XG: variants seen among roughly 807,000 people sequenced by gnomAD.
The protein encoded by XG is Xg glycoprotein (Xg blood group), also known as glycoprotein Xg.
A neutral mutation model predicts 25.7 loss-of-function variants in XG; 24 were observed. The ratio of observed to expected loss-of-function variants is 0.93; its 90% CI spans 0.68 to 1.31. The LOEUF (loss-of-function observed/expected upper bound fraction) is 1.31, where lower values mean the gene tolerates loss of function less well. XG is among the 40% of genes most tolerant of loss of function. XG has a pLI of 0.00. For synonymous variants in XG, 77 were observed against 69.2 expected (o/e 1.11, Z -0.56); for missense variants, 181 against 187.6 (o/e 0.96, Z 0.21).
chrX:2,764,377 C>A (rs143829398), intron 1 of XG, among the ~76,000 whole-genome samples: 1 of 152,186 alleles, frequency 6.6e-6, no homozygotes, highest in Non-Finnish European at 1.5e-5. Context: ...GCCGCAAATT[C>A]TTTCTTGTGC....
intron 2 of XG, among the ~76,000 whole-genome samples, chrX:2,773,439 G>A (rs899384167): frequency 2.0e-4 from 30 of 147,760 alleles, no homozygotes; most frequent in Admixed American, 7.4e-4. Context: ...AGGAAGAAAG[G>A]AGGGTGGGGA....
intron 8 of XG, 99 bp downstream of exon 8, chrX:2,806,844 C>T: frequency 1.4e-6 from 1 of 692,759 alleles, no homozygotes; most frequent in Non-Finnish European, 2.0e-6. Flanking sequence ...TGCTTTCATC[C>T]AGTGCACAAC....
At chrX:2,802,901 G>T (rs940837915) in intron 7 of XG, among the ~76,000 whole-genome samples, 1 of 110,924 alleles carries the variant, frequency 9.0e-6, no homozygotes, top group Non-Finnish European at 1.9e-5. Context: ...TCAGAAAAGG[G>T]CTGTTATCTT....
chrX:2,775,124 G>A (rs187236715), intron 3 of XG: 4 of 236,530 alleles, frequency 1.7e-5, no homozygotes, highest in East Asian at 1.7e-4. Flanking sequence ...CCACTCCTAG[G>A]TATGTACTCA....
chrX:2,756,985 C>T (rs1189048120), intron 1 of XG, among the ~76,000 whole-genome samples: 1 of 152,170 alleles, frequency 6.6e-6, no homozygotes, highest in African/African-American at 2.4e-5. Context: ...GTCCAGCATC[C>T]AGGAAGAATC....
At chrX:2,779,668 A>G in intron 3 of XG, among the ~76,000 whole-genome samples, 1 of 152,156 alleles carries the variant, frequency 6.6e-6, no homozygotes, top group East Asian at 1.9e-4. Flanking sequence ...TTATTTGGAG[A>G]CAGAATCTCA....
At chrX:2,765,376 G>GGGGAGGAAGGAAGGGAGGAAGGAAGGAA (rs2050660244) in intron 1 of XG, among the ~76,000 whole-genome samples, 1 of 144,024 alleles carries the variant, frequency 6.9e-6, no homozygotes. Context: ...GAGGGAGGGA[G>GGGGAGGAAGGAAGGGAGGAAGGAAGGAA]GGAAGGAAGG....
At chrX:2,777,033 C>T (rs974482369) in intron 3 of XG, among the ~76,000 whole-genome samples, 1 of 152,130 alleles carries the variant, frequency 6.6e-6, no homozygotes, top group African/African-American at 2.4e-5. Context: ...AGATTTCCAA[C>T]AAGAAGCTCT....
chrX:2,790,399 A>G (rs1231905645), intron 5 of XG, among the ~76,000 whole-genome samples: 1 of 109,008 alleles, frequency 9.2e-6, no homozygotes, highest in Non-Finnish European at 1.9e-5. Context: ...ACTCAGGAGG[A>G]TGAAGCAGGA....
intron 4 of XG, among the ~76,000 whole-genome samples, 184 bp from the exon 5 acceptor site, chrX:2,789,460 A>AAGTTT (rs1440335301): frequency 1.2e-5 from 1 of 86,776 alleles, no homozygotes; most frequent in East Asian, 4.7e-4. Flanking sequence ...CCAGTGGTGT[A>AAGTTT]AGTTTTTGTT....
Position 2,811,358 on chromosome X carries a change from G to A in XG, c.477G>A (p.Val159=). 8.3e-7 allele frequency: 1 copy of A among 1,207,169 alleles called. No individual in the cohort carries two copies. The highest frequency in any genetic ancestry group is 1.1e-6 in the Non-Finnish European group (1 of 893,267). Reference sequence around the variant, plus strand: ...CAGGCAATATGGTAGCAAAAATCGTGTCTCCCATCGTATCCGTGGTGGTGG... The same window carrying A: ...CAGGCAATATGGTAGCAAAAATCGTATCTCCCATCGTATCCGTGGTGGTGG... ...NPEGNMVAKI[V]SPIVSVVVVT... The change falls in exon 10 of 11, where the codon GTG becomes GTA. Residue 159 remains valine, a synonymous_variant. Coordinates refer to ENST00000644266, the MANE Select transcript of XG (RefSeq NM_001141919.2).
intron 3 of XG, among the ~76,000 whole-genome samples, chrX:2,775,601 CT>C (rs771861178): frequency 1.4e-3 from 220 of 152,226 alleles, no homozygotes; most frequent in African/African-American, 4.8e-3. Context: ...GAATTATTCA[CT>C]TTTAAATGGT....
intron 3 of XG, among the ~76,000 whole-genome samples, chrX:2,781,743 T>C (rs1569037483): frequency 2.7e-5 from 3 of 112,506 alleles, no homozygotes; most frequent in Non-Finnish European, 5.6e-5. Context: ...TCGGTAAATT[T>C]ATTCCATGAC....
At chrX:2,809,617 A>G (rs1048357854) in intron 9 of XG, among the ~76,000 whole-genome samples, 1 of 112,291 alleles carries the variant, frequency 8.9e-6, no homozygotes, top group African/African-American at 3.2e-5. Flanking sequence ...GGAAATAACA[A>G]CCATTTATTA....
chrX:2,777,752 A>T (rs1267358962), intron 3 of XG, among the ~76,000 whole-genome samples: 1 of 152,198 alleles, frequency 6.6e-6, no homozygotes, highest in Non-Finnish European at 1.5e-5. Context: ...AAAGACGGAG[A>T]TGAGATGATG....
At chrX:2,797,082 T>C (rs187940322) in intron 6 of XG, among the ~76,000 whole-genome samples, 43 of 111,448 alleles carry the variant, frequency 3.9e-4, no homozygotes, top group Non-Finnish European at 7.0e-4. Flanking sequence ...CAAAGTGTTT[T>C]TGATAGCTAG....
intron 3 of XG, among the ~76,000 whole-genome samples, chrX:2,776,701 T>A (rs1020915358): frequency 9.9e-5 from 15 of 152,148 alleles, no homozygotes; most frequent in South Asian, 2.1e-4. Flanking sequence ...AAAAAAAATT[T>A]GCCAGGCATG....
rs1044031688 is a variant in XG, at chrX:2,806,221, G to A, written c.374-480G>A. 4.6e-5 allele frequency among the ~76,000 whole-genome samples: 5 copies of A among 109,284 alleles called. No homozygotes were observed. In the Admixed American group the frequency reaches 4.9e-4, roughly 11 times the overall value. The allele number at this position is 109,284 out of a possible 115,157, so 94.9% of individuals were successfully genotyped here. A position where few individuals can be genotyped will look rare whatever the true frequency, so the allele number is the denominator to read the frequency against. On this transcript the variant is annotated intron_variant, in intron 7 of 10. Transcript: ENST00000644266. The stretch of plus-strand genomic sequence containing the variant: ...CTATTTTTTTTTTTTAAGTAGAAAC[G>A]GGGTCTCACTATGTTTCTCAGGCTG...
At chrX:2,773,042 A>T (rs1216094137) in intron 2 of XG, among the ~76,000 whole-genome samples, 2 of 151,062 alleles carry the variant, frequency 1.3e-5, no homozygotes, top group African/African-American at 4.9e-5. Flanking sequence ...TTTACATTTT[A>T]AAAAGGAGAC....
Sources: allele counts gnomAD v4.1 joint callset (sites outside exome capture counted in the v4.1 genomes callset), GRCh38; gene constraint gnomAD v4.1.1; transcripts MANE v1.5; gene names NCBI Gene and HGNC (gene_info 2026-07-23, HGNC 2026-07-21).